The following UBE2E2 variants were observed in gnomAD, a reference collection of about 807,000 sequenced individuals.
UBE2E2 encodes ubiquitin conjugating enzyme E2 E2.
Under a neutral mutation model 24.7 loss-of-function variants are expected in UBE2E2, and 6 were observed. That is an observed-to-expected ratio of 0.24 (90% CI 0.13 to 0.48). The LOEUF (loss-of-function observed/expected upper bound fraction) is 0.48, where lower values mean the gene tolerates loss of function less well. Ranked by LOEUF, UBE2E2 falls within the 20% of genes least tolerant of loss-of-function variation. The pLI is 0.99. For missense variants in UBE2E2, 169 were observed against 245.0 expected (o/e 0.69, Z 2.07); for synonymous variants, 104 against 83.6 (o/e 1.24, Z -1.33).
chr3:23,421,688 G>A (rs941497283), intron 3 of UBE2E2, among the ~76,000 whole-genome samples: 1 of 152,220 alleles, frequency 6.6e-6, no homozygotes, highest in Non-Finnish European at 1.5e-5. Flanking sequence ...TTACAGACGT[G>A]AGCCACCATA....
chr3:23,545,888 T>G (rs1235800676), intron 5 of UBE2E2, among the ~76,000 whole-genome samples: 1 of 152,216 alleles, frequency 6.6e-6, no homozygotes, highest in East Asian at 1.9e-4. Flanking sequence ...AAGCCTTTAT[T>G]CTAAGTGAAG....
chr3:23,497,733 C>T (rs749304910), intron 3 of UBE2E2, among the ~76,000 whole-genome samples: 2 of 152,024 alleles, frequency 1.3e-5, no homozygotes, highest in East Asian at 1.9e-4. Context: ...GCGTTGTCAG[C>T]GAGTTTTTTC....
intron 4 of UBE2E2, among the ~76,000 whole-genome samples, chr3:23,522,128 ATTTT>A (rs34111484): frequency 1.6e-5 from 2 of 124,268 alleles, no homozygotes; most frequent in Admixed American, 8.9e-5. Flanking sequence ...TAACCAGCTA[ATTTT>A]TTTTTTTTTT....
intron 3 of UBE2E2, among the ~76,000 whole-genome samples, chr3:23,479,242 A>C (rs1699201657): frequency 6.6e-6 from 1 of 152,168 alleles, no homozygotes; most frequent in African/African-American, 2.4e-5. Flanking sequence ...GTGAGCAAAC[A>C]ATCATGGAAT....
chr3:23,433,815 A>T (rs549991733), intron 3 of UBE2E2, among the ~76,000 whole-genome samples: 1 of 152,020 alleles, frequency 6.6e-6, no homozygotes, highest in African/African-American at 2.4e-5. Context: ...AAGCTAACTA[A>T]TAGAAGTATA....
At chr3:23,588,765 A>G (rs934195923) in intron 5 of UBE2E2, among the ~76,000 whole-genome samples, 1 of 151,964 alleles carries the variant, frequency 6.6e-6, no homozygotes, top group African/African-American at 2.4e-5. Context: ...TTATGCTCCA[A>G]TTTCCTCCTG....
At chr3:23,299,162 A>G (rs1005051305) in intron 3 of UBE2E2, among the ~76,000 whole-genome samples, 2 of 151,978 alleles carry the variant, frequency 1.3e-5, no homozygotes, top group African/African-American at 2.4e-5. Context: ...TATTGCATCT[A>G]TTTGATTCTT....
At chr3:23,333,305 T>G (rs543596501) in intron 3 of UBE2E2, among the ~76,000 whole-genome samples, 1 of 152,368 alleles carries the variant, frequency 6.6e-6, no homozygotes, top group East Asian at 1.9e-4. Context: ...GATATTTATC[T>G]ATGTCTCTTT....
chr3:23,473,405 G>C (rs926451979), intron 3 of UBE2E2, among the ~76,000 whole-genome samples: 1 of 151,984 alleles, frequency 6.6e-6, no homozygotes, highest in Non-Finnish European at 1.5e-5. Context: ...TTTGTGGTTG[G>C]GAAAGCTAGA....
intron 3 of UBE2E2, among the ~76,000 whole-genome samples, chr3:23,272,670 CAGAG>C (rs537050062): frequency 8.0e-5 from 12 of 149,868 alleles, no homozygotes; most frequent in South Asian, 2.1e-4. Context: ...ATCTATATCT[CAGAG>C]AGAGAGAGAG....
chr3:23,297,850 G>A (rs969352181), intron 3 of UBE2E2, among the ~76,000 whole-genome samples: 4 of 152,008 alleles, frequency 2.6e-5, no homozygotes, highest in African/African-American at 9.7e-5. Flanking sequence ...TGATGGGGAT[G>A]GCATTGAATC....
In UBE2E2 at chr3:23,232,812, G is replaced by A. The variant is rs1697008251; in HGVS notation, c.227+15500G>A. ...AAAACTTCGTCCAATCCTACGAAAAGATGACCATCATGTGTATAGGCAAAG... is the reference window on the plus strand; with the variant it reads ...AAAACTTCGTCCAATCCTACGAAAAAATGACCATCATGTGTATAGGCAAAG... On this transcript the variant is annotated intron_variant, in intron 3 of 5. Transcript: ENST00000396703. Among the ~76,000 whole-genome samples the A allele has an allele frequency of 3.3e-5, 5 of 152,284 alleles. No homozygotes were observed. In the South Asian group the frequency reaches 8.3e-4, roughly 25 times the overall value.
At chr3:23,486,266 G>C (rs1699368485) in intron 3 of UBE2E2, among the ~76,000 whole-genome samples, 1 of 152,204 alleles carries the variant, frequency 6.6e-6, no homozygotes, top group Non-Finnish European at 1.5e-5. Flanking sequence ...AGCTGTACCA[G>C]ATACACCACA....
At chr3:23,377,880 G>A (rs1217842727) in intron 3 of UBE2E2, among the ~76,000 whole-genome samples, 1 of 152,022 alleles carries the variant, frequency 6.6e-6, no homozygotes, top group African/African-American at 2.4e-5. Context: ...CAGCTTTTAT[G>A]TACATCTCTT....
At chr3:23,408,206 AGTT>A (rs1488575133) in intron 3 of UBE2E2, among the ~76,000 whole-genome samples, 1 of 152,158 alleles carries the variant, frequency 6.6e-6, no homozygotes, top group Non-Finnish European at 1.5e-5. Context: ...ACTTATTTAG[AGTT>A]AGGTATATTT....
In UBE2E2 at chr3:23,407,713, G is replaced by C. The variant is rs1331442687; in HGVS notation, c.228-91895G>C. ...TGTAGTATTTCAGAGAAAATCCCAG[G>C]CTTTATGCCGTTTTACTCCTAAACC... On this transcript the variant is annotated intron_variant, in intron 3 of 5. Transcript: ENST00000396703. This position sits in a 1 kb window ranked among gnomAD's most constrained non-coding sequence, Gnocchi z 4.0. 1.4e-5 allele frequency among the ~76,000 whole-genome samples: 2 copies of C among 146,768 alleles called. No individual in the cohort carries two copies. Among genetic ancestry groups the C allele is most frequent in the South Asian group, 2.2e-4 (1 of 4,464 alleles).
rs997201224 is a variant in UBE2E2 at position 23,453,917 on chromosome 3, C to G, written c.228-45691C>G. ...CTAGTTACCTTTTAAAGAAGATACA[C>G]GTCTAGTAGTAAACACCTAGAATGT... On this transcript the variant is annotated intron_variant, in intron 3 of 5. Coordinates refer to ENST00000396703, the MANE Select transcript of UBE2E2 (RefSeq NM_152653.4). Among the ~76,000 whole-genome samples the G allele has an allele frequency of 2.0e-5, 3 of 152,116 alleles. No individual in the cohort carries two copies. In the East Asian group the frequency reaches 5.8e-4, roughly 29 times the overall value.
chr3:23,211,407 CTTTTTT>C (rs3086984), intron 2 of UBE2E2, among the ~76,000 whole-genome samples: 1 of 131,832 alleles, frequency 7.6e-6, no homozygotes, highest in South Asian at 2.4e-4. Context: ...GCTCTGTGGT[CTTTTTT>C]TTTTTTTTTT....
chr3:23,489,541 A>G lies in UBE2E2; in HGVS notation c.228-10067A>G, dbSNP rs192675319. Among the ~76,000 whole-genome samples, 432 of 152,344 alleles carry G rather than the reference A, an allele frequency of 2.8e-3. 1 individual carries two copies. The highest frequency in any genetic ancestry group is 4.7e-3 in the Non-Finnish European group (323 of 68,034). On this transcript the variant is annotated intron_variant, in intron 3 of 5. Transcript: ENST00000396703. Reference sequence around the variant, plus strand: ...AAGGGAAATTAGAGCCCGTAAAGTGAAACTCTTACTGTTTCCATGGTATAA... The same window carrying G: ...AAGGGAAATTAGAGCCCGTAAAGTGGAACTCTTACTGTTTCCATGGTATAA...
Sources: gnomAD v4.1 joint callset for allele counts (sites outside exome capture counted in the v4.1 genomes callset) on GRCh38, gnomAD v4.1.1 for gene constraint, Gnocchi (gnomAD v3.1) non-coding constraint, MANE v1.5 for transcripts, NCBI Gene and HGNC (gene_info 2026-07-23, HGNC 2026-07-21) for gene names.